The following CHSY3 variants were observed in gnomAD, a reference collection of about 807,000 sequenced individuals.
The protein encoded by CHSY3 is chondroitin sulfate synthase 3.
CHSY3 carries 35 observed loss-of-function variants against 67.2 expected under a neutral mutation model. That is an observed-to-expected ratio of 0.52 (90% CI 0.40 to 0.69). CHSY3 has a LOEUF of 0.69. Ranked by LOEUF, CHSY3 falls within the 30% of genes least tolerant of loss-of-function variation. The pLI is 0.00. For synonymous variants in CHSY3, 474 were observed against 434.7 expected, an observed-to-expected ratio of 1.09 and a Z score of -1.12; for missense variants, 1,069 against 1,138.5, an observed-to-expected ratio of 0.94 and a Z score of 0.88.
intron 2 of CHSY3, among the ~76,000 whole-genome samples, chr5:130,083,145 A>G (rs1407362328): frequency 6.6e-6 from 1 of 152,040 alleles, no homozygotes; most frequent in East Asian, 1.9e-4. Context: ...CTTTTCCAAG[A>G]CCTGAACTTT....
intron 2 of CHSY3, among the ~76,000 whole-genome samples, chr5:130,154,568 A>C (rs1237861486): frequency 6.6e-6 from 1 of 152,112 alleles, no homozygotes; most frequent in African/African-American, 2.4e-5. Context: ...TTCATTTGCG[A>C]TTATTCATAT....
chr5:129,936,334 T>C (rs1761489164), intron 2 of CHSY3, among the ~76,000 whole-genome samples: 1 of 152,296 alleles, frequency 6.6e-6, no homozygotes. Context: ...AAAAAGGATC[T>C]TGTGCAATTC....
intron 2 of CHSY3, among the ~76,000 whole-genome samples, chr5:130,076,505 A>G (rs915127675): frequency 6.6e-6 from 1 of 151,816 alleles, no homozygotes. Flanking sequence ...ATAGTAGTAA[A>G]TGTTTGTGTA....
chr5:130,066,877 G>GC (rs1335919902), intron 2 of CHSY3, among the ~76,000 whole-genome samples: 4 of 152,098 alleles, frequency 2.6e-5, no homozygotes, highest in African/African-American at 9.7e-5. Flanking sequence ...GGCTATTTCA[G>GC]CAAGAGTGCT....
chr5:130,112,018 T>C (rs1202381127), intron 2 of CHSY3, among the ~76,000 whole-genome samples: 1 of 152,126 alleles, frequency 6.6e-6, no homozygotes, highest in African/African-American at 2.4e-5. Flanking sequence ...CTTAAAGTTA[T>C]ACAGTTGATA....
At position 130,185,706 on chromosome 5, in the gene CHSY3, C is replaced by G; in HGVS notation, c.2564C>G (p.Ala855Gly). Reference protein sequence around the residue: ...KQYKMCLGSKASTFASTMQLA... With the variant: ...KQYKMCLGSKGSTFASTMQLA... Reference sequence around the variant, plus strand: ...TATAAGATGTGCTTAGGATCCAAGGCAAGTACTTTCGCCTCAACCATGCAA... The same window carrying G: ...TATAAGATGTGCTTAGGATCCAAGGGAAGTACTTTCGCCTCAACCATGCAA... The change falls in exon 3 of 3, where the codon GCA becomes GGA. Residue 855 changes from alanine (A) to glycine (G), a missense_variant. This residue lies in a region of CHSY3 where 139 missense variants were observed against 152.8 expected (regional missense o/e 0.91). Transcript: ENST00000305031. 1 of 1,613,814 alleles carries G rather than the reference C, an allele frequency of 6.2e-7. No homozygotes were observed. Among genetic ancestry groups the G allele is most frequent in the Non-Finnish European group, 8.5e-7 (1 of 1,179,860 alleles).
At chr5:129,924,275 A>T (rs187713222) in intron 2 of CHSY3, among the ~76,000 whole-genome samples, 8 of 152,234 alleles carry the variant, frequency 5.3e-5, no homozygotes, top group Non-Finnish European at 8.8e-5. Flanking sequence ...CTTGATACAT[A>T]TGTTACCTCC....
At chr5:130,116,063 A>T (rs920951407) in intron 2 of CHSY3, among the ~76,000 whole-genome samples, 1 of 152,144 alleles carries the variant, frequency 6.6e-6, no homozygotes, top group Non-Finnish European at 1.5e-5. Flanking sequence ...ACCTAAGTGC[A>T]TTATTGCCCC....
chr5:130,151,334 C>A (rs972260250), intron 2 of CHSY3, among the ~76,000 whole-genome samples: 2 of 152,172 alleles, frequency 1.3e-5, no homozygotes, highest in African/African-American at 2.4e-5. Flanking sequence ...TTGGGGCATG[C>A]TTGACACAAG....
chr5:130,088,068 T>C (rs1207758146), intron 2 of CHSY3, among the ~76,000 whole-genome samples: 9 of 152,086 alleles, frequency 5.9e-5, no homozygotes, highest in Admixed American at 5.9e-4. Context: ...ATGCCGCATA[T>C]ATACAACTAT....
intron 2 of CHSY3, among the ~76,000 whole-genome samples, chr5:130,087,452 G>T (rs1474091150): frequency 6.6e-6 from 1 of 152,038 alleles, no homozygotes; most frequent in Non-Finnish European, 1.5e-5. Flanking sequence ...TGACATGATT[G>T]TATATCTAGA....
chr5:130,018,823 C>T (rs936556553), intron 2 of CHSY3, among the ~76,000 whole-genome samples: 3 of 152,066 alleles, frequency 2.0e-5, no homozygotes, highest in African/African-American at 7.2e-5. Context: ...GGCTCAGTGC[C>T]CTTCTAGGTC....
chr5:130,112,828 C>T (rs138852394), intron 2 of CHSY3, among the ~76,000 whole-genome samples: 191 of 152,222 alleles, frequency 1.3e-3, no homozygotes, highest in African/African-American at 4.1e-3. Flanking sequence ...AGAGTATCCT[C>T]ATTTCACTAT....
chr5:129,985,714 G>T (rs1763179281), intron 2 of CHSY3, among the ~76,000 whole-genome samples: 1 of 152,050 alleles, frequency 6.6e-6, no homozygotes, highest in Non-Finnish European at 1.5e-5. Flanking sequence ...GCAGTGTTTT[G>T]TAATTAGTAT....
chr5:129,931,651 T>C (rs923317566), intron 2 of CHSY3, among the ~76,000 whole-genome samples: 2 of 152,198 alleles, frequency 1.3e-5, no homozygotes, highest in Admixed American at 1.3e-4. Flanking sequence ...TAAATGATGC[T>C]GTTAGGGTCT....
intron 2 of CHSY3, among the ~76,000 whole-genome samples, chr5:129,972,823 G>A (rs989408787): frequency 2.6e-5 from 4 of 152,042 alleles, no homozygotes; most frequent in African/African-American, 7.2e-5. Context: ...AGTGCTGTCT[G>A]TTGTTGCCTG....
chr5:129,914,748 G>A (rs17162936), intron 2 of CHSY3, among the ~76,000 whole-genome samples: 3,636 of 152,230 alleles, frequency 0.024, 140 homozygotes, highest in African/African-American at 0.081. Context: ...TATGGTAAGC[G>A]TTGTAGGCTT....
At chr5:130,171,769 A>C (rs2149732971) in intron 2 of CHSY3, among the ~76,000 whole-genome samples, 1 of 152,306 alleles carries the variant, frequency 6.6e-6, no homozygotes, top group African/African-American at 2.4e-5. Flanking sequence ...TTGGATTTCA[A>C]CCAAGACTGA....
At chr5:129,960,294 C>G (rs762778125) in intron 2 of CHSY3, among the ~76,000 whole-genome samples, 3 of 151,992 alleles carry the variant, frequency 2.0e-5, no homozygotes, top group African/African-American at 7.2e-5. Context: ...TTTGGAAGAT[C>G]TTTGAAGGTT....
Sources: allele counts gnomAD v4.1 joint callset (sites outside exome capture counted in the v4.1 genomes callset), GRCh38; gene constraint gnomAD v4.1.1; regional missense constraint gnomAD v4.1.1; transcripts MANE v1.5; gene names NCBI Gene and HGNC (gene_info 2026-07-23, HGNC 2026-07-21).